TEX36: variants seen among roughly 807,000 people sequenced by gnomAD.
TEX36 encodes the protein testis expressed 36.
Under a neutral mutation model 13.6 loss-of-function variants are expected in TEX36, and 12 were observed. The observed-to-expected ratio is 0.88, with a 90% CI of 0.56 to 1.43. TEX36 has a LOEUF of 1.43. Ranked by LOEUF, TEX36 falls within the 40% of genes most tolerant of loss-of-function variation. The probability of loss-of-function intolerance (pLI) is 0.00; values close to 1 mark genes in which losing one functional copy is unlikely to be tolerated. For missense variants in TEX36, 224 were observed against 228.3 expected, an observed-to-expected ratio of 0.98 and a Z score of 0.12; for synonymous variants, 93 against 83.0, an observed-to-expected ratio of 1.12 and a Z score of -0.65.
intron 3 of TEX36, among the ~76,000 whole-genome samples, chr10:125,590,697 T>C (rs1846011572): frequency 6.6e-6 from 1 of 152,110 alleles, no homozygotes; most frequent in Non-Finnish European, 1.5e-5. Context: ...TGAAAACGCA[T>C]TGGAAAAAAG....
chr10:125,627,740 T>A (rs753356325), intron 3 of TEX36, among the ~76,000 whole-genome samples: 1 of 152,234 alleles, frequency 6.6e-6, no homozygotes, highest in African/African-American at 2.4e-5. Flanking sequence ...TCCTGTTTTA[T>A]CCTTGAGAAA....
At chr10:125,602,868 A>G (rs1011886731) in intron 3 of TEX36, among the ~76,000 whole-genome samples, 10 of 152,254 alleles carry the variant, frequency 6.6e-5, no homozygotes, top group African/African-American at 2.2e-4. Context: ...AGAATACATC[A>G]AACGCATGCG....
In TEX36 at chr10:125,602,674, A is replaced by G. The variant is rs571863783; in HGVS notation, c.265-25800T>C. On this transcript the variant is annotated intron_variant, in intron 3 of 3. Transcript: ENST00000532135. ...CCTAAAGACACAAATCAAAGATGGG[A>G]CAGAGAAGAAATGGATGAAGTGGAG... Among the ~76,000 whole-genome samples the G allele has an allele frequency of 1.0e-3, 154 of 152,360 alleles. 1 individual carries two copies. The highest frequency in any genetic ancestry group is 1.5e-3 in the Non-Finnish European group (104 of 68,028).
intron 3 of TEX36, among the ~76,000 whole-genome samples, chr10:125,615,782 AT>A (rs1846349629): frequency 6.6e-6 from 1 of 152,078 alleles, no homozygotes; most frequent in Non-Finnish European, 1.5e-5. Context: ...TGGTATCAGG[AT>A]GATGCTGGCT....
intron 3 of TEX36, among the ~76,000 whole-genome samples, chr10:125,627,910 A>G (rs1261189258): frequency 3.3e-5 from 5 of 152,218 alleles, no homozygotes; most frequent in Non-Finnish European, 7.3e-5. Flanking sequence ...TATCAAAGCC[A>G]CAGGAGACTC....
downstream of TEX36, among the ~76,000 whole-genome samples, chr10:125,654,749 TA>T (rs1428392155): frequency 2.0e-5 from 3 of 152,180 alleles, no homozygotes; most frequent in African/African-American, 7.2e-5. Flanking sequence ...TTTTTCCCCT[TA>T]AATATCCTTA....
chr10:125,592,932 C>T (rs1846039197), intron 3 of TEX36, among the ~76,000 whole-genome samples: 1 of 152,180 alleles, frequency 6.6e-6, no homozygotes, highest in Admixed American at 6.5e-5. Flanking sequence ...CTTCCATGTC[C>T]TCTCAGGGGC....
chr10:125,640,889 T>A (rs1172250332), intron 3 of TEX36, among the ~76,000 whole-genome samples: 1 of 152,134 alleles, frequency 6.6e-6, no homozygotes, highest in Non-Finnish European at 1.5e-5. Flanking sequence ...CAGCATGGAT[T>A]CTTCCCTGTA....
chr10:125,636,172 G>C (rs1846621260), intron 3 of TEX36, among the ~76,000 whole-genome samples: 1 of 151,324 alleles, frequency 6.6e-6, no homozygotes, highest in African/African-American at 2.4e-5. Flanking sequence ...ACCACATGCG[G>C]CCTTCAAATG....
At chr10:125,640,722 G>A (rs1846677760) in intron 3 of TEX36, among the ~76,000 whole-genome samples, 2 of 152,056 alleles carry the variant, frequency 1.3e-5, no homozygotes, top group South Asian at 2.1e-4. Context: ...TAGAAGACAG[G>A]GTTACTCTCA....
chr10:125,649,194 A>G (rs1352368014), intron 3 of TEX36, among the ~76,000 whole-genome samples: 2 of 152,228 alleles, frequency 1.3e-5, no homozygotes, highest in Non-Finnish European at 2.9e-5. Flanking sequence ...ACTCCAAGAC[A>G]CATAATTGTC....
chr10:125,612,444 C>T (rs1203596449), intron 3 of TEX36, among the ~76,000 whole-genome samples: 2 of 152,128 alleles, frequency 1.3e-5, no homozygotes, highest in African/African-American at 4.8e-5. Context: ...GAAACTGAGG[C>T]TTTCTGTTTC....
At chr10:125,589,035 C>T (rs558067958) in intron 3 of TEX36, among the ~76,000 whole-genome samples, 25 of 152,328 alleles carry the variant, frequency 1.6e-4, no homozygotes, top group African/African-American at 2.4e-4. Context: ...CCACCTCCAA[C>T]GCTGGGGGTA....
intron 3 of TEX36, among the ~76,000 whole-genome samples, chr10:125,591,788 A>G (rs1846024190): frequency 6.6e-6 from 1 of 152,162 alleles, no homozygotes; most frequent in African/African-American, 2.4e-5. Flanking sequence ...TTCATGACGA[A>G]CTTGTTTACT....
intron 3 of TEX36, among the ~76,000 whole-genome samples, chr10:125,614,037 G>C (rs939345738): frequency 2.0e-5 from 3 of 152,172 alleles, no homozygotes; most frequent in Non-Finnish European, 4.4e-5. Flanking sequence ...GCCAGTGATG[G>C]TGAGCATTTT....
intron 3 of TEX36, among the ~76,000 whole-genome samples, chr10:125,631,549 T>C (rs1259007877): frequency 6.6e-6 from 1 of 152,104 alleles, no homozygotes; most frequent in Non-Finnish European, 1.5e-5. Flanking sequence ...TCATTCTCCT[T>C]GGGTTTGGAG....
intron 3 of TEX36, among the ~76,000 whole-genome samples, chr10:125,591,185 A>G (rs1396797407): frequency 6.6e-6 from 1 of 152,234 alleles, no homozygotes; most frequent in African/African-American, 2.4e-5. Context: ...AGAACGAAAA[A>G]GTGAGTTACT....
At chr10:125,607,838 T>C (rs1846234381) in intron 3 of TEX36, among the ~76,000 whole-genome samples, 1 of 152,148 alleles carries the variant, frequency 6.6e-6, no homozygotes, top group African/African-American at 2.4e-5. Flanking sequence ...AGCCTTTTCA[T>C]GGGGAACTAT....
chr10:125,599,744 A>G, intron 3 of TEX36, among the ~76,000 whole-genome samples: 1 of 152,198 alleles, frequency 6.6e-6, no homozygotes, highest in East Asian at 1.9e-4. Context: ...ATTTGTGCAA[A>G]TACTACTTTG....
Sources: gnomAD v4.1 joint callset for allele counts (sites outside exome capture counted in the v4.1 genomes callset) on GRCh38, gnomAD v4.1.1 for gene constraint, MANE v1.5 for transcripts, NCBI Gene and HGNC (gene_info 2026-07-23, HGNC 2026-07-21) for gene names.